ANK1: variants seen among roughly 807,000 people sequenced by gnomAD.
The protein encoded by ANK1 is ankyrin-1.
Under a neutral mutation model 210.4 loss-of-function variants are expected in ANK1, and 51 were observed. The observed-to-expected ratio is 0.24, with a 90% CI of 0.19 to 0.31. ANK1 has a LOEUF of 0.31. ANK1 is among the 10% of genes least tolerant of loss of function. The pLI is 1.00. For missense variants in ANK1, 2,051 were observed against 2,504.4 expected, an observed-to-expected ratio of 0.82 and a Z score of 3.86; for synonymous variants, 967 against 1,025.9, an observed-to-expected ratio of 0.94 and a Z score of 1.10.
At chr8:41,828,570 T>C (rs1805946725) in intron 1 of ANK1, 2 of 154,234 alleles carry the variant, frequency 1.3e-5, no homozygotes, top group African/African-American at 4.8e-5. Context: ...GTGCTGTTTA[T>C]TACTCTGTGG....
chr8:41,734,799 G>C (rs996578925), intron 2 of ANK1, among the ~76,000 whole-genome samples: 22 of 151,954 alleles, frequency 1.4e-4, no homozygotes, highest in African/African-American at 4.4e-4. Context: ...GCTACTCAGG[G>C]GGCTGAGGTG....
In ANK1 at chr8:41,865,724, C is replaced by A. The variant is rs145129931; in HGVS notation, c.126+30631G>T. Among the ~76,000 whole-genome samples the A allele has an allele frequency of 7.6e-3, 1,154 of 152,194 alleles. 16 individuals carry two copies. Among genetic ancestry groups the A allele is most frequent in the Non-Finnish European group, 7.1e-3 (480 of 67,998 alleles). On this transcript the variant is annotated intron_variant, in intron 1 of 42. Transcript: ENST00000265709. ...GATTCTTCCCTCTCCCTCCTCCCCC[C>A]AGCAGTCCCAGGTAGGGCCTCTGGA...
chr8:41,728,893 G>A (rs942327483), intron 3 of ANK1, among the ~76,000 whole-genome samples: 3 of 152,164 alleles, frequency 2.0e-5, no homozygotes, highest in Admixed American at 6.5e-5. Context: ...GGCCTTCCGC[G>A]GACCTGCAGC....
At chr8:41,769,977 CTTTTTTTTTTT>C (rs59542968) in intron 1 of ANK1, among the ~76,000 whole-genome samples, 2 of 86,654 alleles carry the variant, frequency 2.3e-5, no homozygotes, top group Admixed American at 1.6e-4. Flanking sequence ...TTTCTTTTTT[CTTTTTTTTTTT>C]TTTTTTTTTT....
chr8:41,818,715 T>G (rs1406966135), intron 1 of ANK1, among the ~76,000 whole-genome samples: 2 of 151,940 alleles, frequency 1.3e-5, no homozygotes, highest in African/African-American at 4.8e-5. Context: ...AACTCGTGGG[T>G]TTCAGCAATC....
chr8:41,803,039 A>G (rs1413607512), intron 1 of ANK1, among the ~76,000 whole-genome samples: 52 of 68,970 alleles, frequency 7.5e-4, no homozygotes, highest in African/African-American at 2.9e-3. Context: ...GAAAGAAAGA[A>G]AGAGAAAGAA....
At chr8:41,715,977 A>T (rs1827566680) in intron 13 of ANK1, 128 bp from the exon 14 acceptor site, 2 of 1,051,106 alleles carry the variant, frequency 1.9e-6, no homozygotes, top group African/African-American at 1.6e-5. Context: ...ACAGCTAAGA[A>T]GATGAAGAGT....
chr8:41,697,472 C>T (rs1221984781), intron 24 of ANK1, among the ~76,000 whole-genome samples: 1 of 152,148 alleles, frequency 6.6e-6, no homozygotes, highest in Non-Finnish European at 1.5e-5. Context: ...CATCTCACCT[C>T]CTCCACAGAT....
intron 1 of ANK1, among the ~76,000 whole-genome samples, chr8:41,814,773 A>T (rs1461313653): frequency 6.6e-6 from 1 of 151,882 alleles, no homozygotes; most frequent in African/African-American, 2.4e-5. Context: ...AACATCTTAA[A>T]ATAATAACTA....
chr8:41,761,430 T>C lies in ANK1; in HGVS notation c.28-3293A>G, dbSNP rs541478862. ...ATACACACACACAGAGGTGAAACTA[T>C]GTGAAGACAGAGCCAGAGACTGGAG... is the stretch of plus-strand genomic sequence containing the variant. On this transcript the variant is annotated intron_variant, in intron 1 of 42. Transcript: ENST00000289734. Among the ~76,000 whole-genome samples the C allele has an allele frequency of 2.8e-3, 427 of 152,286 alleles. 2 individuals are homozygous for C. Among genetic ancestry groups the C allele is most frequent in the African/African-American group, 9.2e-3 (384 of 41,578 alleles).
intron 1 of ANK1, among the ~76,000 whole-genome samples, chr8:41,772,508 A>G (rs1174729848): frequency 2.0e-5 from 3 of 152,122 alleles, no homozygotes; most frequent in African/African-American, 7.2e-5. Context: ...GTTGTCACTG[A>G]TCTTGCTTCA....
intron 1 of ANK1, among the ~76,000 whole-genome samples, chr8:41,841,014 A>T (rs1808794181): frequency 6.6e-6 from 1 of 152,172 alleles, no homozygotes; most frequent in Non-Finnish European, 1.5e-5. Context: ...AATTACTGCG[A>T]ATCTACCGTG....
chr8:41,707,362 G>A (rs1404895005), intron 17 of ANK1, among the ~76,000 whole-genome samples: 1 of 152,188 alleles, frequency 6.6e-6, no homozygotes, highest in Admixed American at 6.5e-5. Flanking sequence ...GGATTTCTCT[G>A]CAGGCACAGA....
chr8:41,774,741 C>T (rs1026644782), intron 1 of ANK1, among the ~76,000 whole-genome samples: 12 of 152,268 alleles, frequency 7.9e-5, no homozygotes, highest in African/African-American at 2.9e-4. Context: ...GCACCCGCAT[C>T]ACCAAGCACC....
chr8:41,715,200 AT>A (rs2150634196), intron 14 of ANK1, 126 bp from the exon 15 acceptor site: 1 of 868,740 alleles, frequency 1.2e-6, no homozygotes, highest in Non-Finnish European at 1.8e-6. Context: ...AGGCACAGCC[AT>A]TTTTGAGCCC....
intron 1 of ANK1, among the ~76,000 whole-genome samples, chr8:41,778,643 G>A (rs1225258411): frequency 6.6e-6 from 1 of 152,204 alleles, no homozygotes; most frequent in Non-Finnish European, 1.5e-5. Flanking sequence ...TACGTCTATT[G>A]TAGGAAGCTG....
At chr8:41,802,977 AAAAG>A (rs1233063661) in intron 1 of ANK1, among the ~76,000 whole-genome samples, 1 of 101,892 alleles carries the variant, frequency 9.8e-6, no homozygotes, top group East Asian at 2.7e-4. Flanking sequence ...GAGAGATGAA[AAAAG>A]AAAGAGAGAA....
At position 41,755,630 on chromosome 8, in the gene ANK1, G is replaced by C. The variant is rs546116617; in HGVS notation, c.129+2406C>G. Among the ~76,000 whole-genome samples the C allele has an allele frequency of 1.5e-4, 23 of 152,276 alleles. No homozygotes were observed. In the South Asian group the frequency reaches 4.8e-3, roughly 32 times the overall value. On this transcript the variant is annotated intron_variant, in intron 2 of 42. Transcript: ENST00000289734. Reference sequence around the variant, plus strand: ...GGGGGGCTGGGGCAACACAGCTGCAGCCTGTGCAGCTGCTTCTGGAGGTGC... The same window carrying C: ...GGGGGGCTGGGGCAACACAGCTGCACCCTGTGCAGCTGCTTCTGGAGGTGC...
intron 2 of ANK1, among the ~76,000 whole-genome samples, chr8:41,757,035 A>G (rs997352525): frequency 6.6e-6 from 1 of 152,200 alleles, no homozygotes; most frequent in Non-Finnish European, 1.5e-5. Flanking sequence ...GGGGCTGGGG[A>G]GTAGTCGGAA....
Sources: allele counts gnomAD v4.1 joint callset (sites outside exome capture counted in the v4.1 genomes callset), GRCh38; gene constraint gnomAD v4.1.1; transcripts MANE v1.5; gene names NCBI Gene and HGNC (gene_info 2026-07-23, HGNC 2026-07-21).